The following FHOD3 variants were observed in gnomAD, a reference collection of about 807,000 sequenced individuals.
FHOD3 encodes FH1/FH2 domain-containing protein 3.
In FHOD3, 90 loss-of-function variants were observed where a neutral mutation model predicts 173.0. The observed-to-expected ratio is 0.52, with a 90% confidence interval of 0.44 to 0.62. The LOEUF is 0.62. Among genes scored for constraint, FHOD3 ranks in the 20% least tolerant of loss-of-function variants. FHOD3 has a pLI of 0.00. For synonymous variants in FHOD3, 828 were observed against 823.0 expected (o/e 1.01, Z -0.10); for missense variants, 1,945 against 2,034.7 (o/e 0.96, Z 0.85).
At chr18:36,756,409 G>A (rs899777503) in intron 25 of FHOD3, among the ~76,000 whole-genome samples, 1 of 152,164 alleles carries the variant, frequency 6.6e-6, no homozygotes, top group Non-Finnish European at 1.5e-5. Flanking sequence ...TCTGGCAATA[G>A]AGGGAATGGA....
At chr18:36,398,119 C>A (rs1027307039) in intron 3 of FHOD3, among the ~76,000 whole-genome samples, 1 of 152,174 alleles carries the variant, frequency 6.6e-6, no homozygotes, top group Non-Finnish European at 1.5e-5. Flanking sequence ...GTTTTTCCTG[C>A]TGTATTCTTG....
chr18:36,392,680 G>C (rs2048360689), intron 3 of FHOD3, among the ~76,000 whole-genome samples: 1 of 152,220 alleles, frequency 6.6e-6, no homozygotes, highest in Non-Finnish European at 1.5e-5. Flanking sequence ...TATATCTCCT[G>C]CTTCCGCTTC....
intron 19 of FHOD3, among the ~76,000 whole-genome samples, chr18:36,727,712 G>A (rs2041148251): frequency 6.6e-6 from 1 of 152,172 alleles, no homozygotes; most frequent in Non-Finnish European, 1.5e-5. Flanking sequence ...CCAAGGGCAT[G>A]TCAGGCTCGG....
intron 3 of FHOD3, among the ~76,000 whole-genome samples, chr18:36,451,477 A>G (rs17746713): frequency 0.088 from 13,357 of 152,222 alleles, 1,581 homozygotes; most frequent in African/African-American, 0.25. Flanking sequence ...ATCCGTGTCT[A>G]TTGGAACTCA....
At chr18:36,553,022 G>A (rs921050205) in intron 5 of FHOD3, among the ~76,000 whole-genome samples, 6 of 152,028 alleles carry the variant, frequency 3.9e-5, no homozygotes, top group Non-Finnish European at 8.8e-5. Flanking sequence ...AGAGTTTTTA[G>A]CATGAAGGGT....
At chr18:36,759,381 A>C (rs2042773791) in intron 26 of FHOD3, among the ~76,000 whole-genome samples, 1 of 152,176 alleles carries the variant, frequency 6.6e-6, no homozygotes, top group Non-Finnish European at 1.5e-5. Flanking sequence ...AGGCCCAGCT[A>C]ATCAGTAACC....
Position 36,474,344 on chromosome 18 carries a change from G to A in FHOD3, c.338-27588G>A, listed in dbSNP as rs193138724. Among the ~76,000 whole-genome samples the A allele has an allele frequency of 2.0e-4, 31 of 152,298 alleles. No individual in the cohort carries two copies. The East Asian group carries it at 5.2e-3, about 26-fold the overall frequency. ...CAGGAGGGATATGCGCATGATGGTG[G>A]CAGTATGGAATGGAAGGGAGAGAAT... On this transcript the variant is annotated intron_variant, in intron 3 of 28. Coordinates refer to ENST00000590592, the MANE Select transcript of FHOD3 (RefSeq NM_001281740.3).
intron 24 of FHOD3, 34 bp downstream of exon 24, chr18:36,747,169 T>A (rs2042191020): frequency 6.8e-7 from 1 of 1,480,168 alleles, no homozygotes. Flanking sequence ...GAAATATCAG[T>A]ACAATGGCAT....
chr18:36,558,190 G>A (rs922368791), intron 5 of FHOD3, among the ~76,000 whole-genome samples: 3 of 152,046 alleles, frequency 2.0e-5, no homozygotes, highest in Non-Finnish European at 2.9e-5. Context: ...TAGTCTGTTT[G>A]GAGAGTTCTA....
At chr18:36,494,493 T>C (rs1303416215) in intron 3 of FHOD3, among the ~76,000 whole-genome samples, 2 of 152,198 alleles carry the variant, frequency 1.3e-5, no homozygotes, top group African/African-American at 4.8e-5. Context: ...GCTACCCAAA[T>C]GAGTATACCC....
intron 3 of FHOD3, among the ~76,000 whole-genome samples, chr18:36,438,669 T>C (rs1486164002): frequency 6.6e-6 from 1 of 152,220 alleles, no homozygotes; most frequent in Non-Finnish European, 1.5e-5. Flanking sequence ...TGCTCAGGTA[T>C]GGAGGCCTGT....
chr18:36,629,367 A>G (rs923879440), intron 10 of FHOD3, among the ~76,000 whole-genome samples: 2 of 152,224 alleles, frequency 1.3e-5, no homozygotes, highest in Admixed American at 1.3e-4. Context: ...CATGTCATGA[A>G]ATATTATTCT....
At chr18:36,377,180 C>T (rs1227988652) in intron 3 of FHOD3, among the ~76,000 whole-genome samples, 2 of 152,108 alleles carry the variant, frequency 1.3e-5, no homozygotes, top group Non-Finnish European at 2.9e-5. Flanking sequence ...ACCACTGTCC[C>T]CTCTCCTTTC....
At chr18:36,488,796 G>A (rs2054316814) in intron 3 of FHOD3, among the ~76,000 whole-genome samples, 1 of 152,154 alleles carries the variant, frequency 6.6e-6, no homozygotes, top group Admixed American at 6.5e-5. Flanking sequence ...TCTGGATGGT[G>A]GTATTGTCCA....
chr18:36,699,599 A>T (rs1478325684), intron 17 of FHOD3, among the ~76,000 whole-genome samples: 1 of 152,230 alleles, frequency 6.6e-6, no homozygotes, highest in Admixed American at 6.5e-5. Flanking sequence ...ATCCTTGTCC[A>T]TGCTCAAGAT....
At chr18:36,720,735 T>TGTCCTC (rs2040726035) in intron 19 of FHOD3, among the ~76,000 whole-genome samples, 5 of 148,334 alleles carry the variant, frequency 3.4e-5, no homozygotes, top group African/African-American at 1.3e-4. Flanking sequence ...TCCTTCTTCT[T>TGTCCTC]CTCCTCCTCC....
intron 3 of FHOD3, among the ~76,000 whole-genome samples, chr18:36,388,919 C>G (rs924575383): frequency 2.0e-5 from 3 of 152,204 alleles, no homozygotes; most frequent in African/African-American, 7.2e-5. Context: ...GGAAGGTGCC[C>G]TGGGGGCTGG....
intron 3 of FHOD3, among the ~76,000 whole-genome samples, chr18:36,397,351 T>G (rs1451751796): frequency 6.6e-6 from 1 of 152,264 alleles, no homozygotes; most frequent in Non-Finnish European, 1.5e-5. Flanking sequence ...GGTTTGTCCT[T>G]CTACCCTTTT....
intron 16 of FHOD3, among the ~76,000 whole-genome samples, chr18:36,689,494 A>G (rs1418900293): frequency 6.6e-6 from 1 of 152,238 alleles, no homozygotes; most frequent in Non-Finnish European, 1.5e-5. Flanking sequence ...ATCTCACTCC[A>G]TAATTTCAGA....
Sources: allele counts gnomAD v4.1 joint callset (sites outside exome capture counted in the v4.1 genomes callset), GRCh38; gene constraint gnomAD v4.1.1; transcripts MANE v1.5; gene names NCBI Gene and HGNC (gene_info 2026-07-23, HGNC 2026-07-21).